ARHGDIB: variants seen among roughly 807,000 people sequenced by gnomAD.
The protein encoded by ARHGDIB is rho GDP-dissociation inhibitor 2.
ARHGDIB carries 20 observed loss-of-function variants against 22.6 expected under a neutral mutation model. The observed-to-expected ratio is 0.88, with a 90% CI of 0.62 to 1.28. The LOEUF is 1.28. Ranked by LOEUF, ARHGDIB falls within the 50% of genes most tolerant of loss-of-function variation. ARHGDIB has a pLI of 0.00. For synonymous variants in ARHGDIB, 114 were observed against 96.1 expected, an observed-to-expected ratio of 1.19 and a Z score of -1.09; for missense variants, 254 against 245.4, an observed-to-expected ratio of 1.04 and a Z score of -0.23.
intron 1 of ARHGDIB, among the ~76,000 whole-genome samples, chr12:14,953,824 TCTCTC>T (rs1864236828): frequency 2.0e-5 from 3 of 149,170 alleles, no homozygotes; most frequent in Non-Finnish European, 4.4e-5. Flanking sequence ...GCTTGCTCTC[TCTCTC>T]TCTCTCTCTC....
chr12:14,944,983 T>A, intron 4 of ARHGDIB, 144 bp from the exon 5 acceptor site: 1 of 604,736 alleles, frequency 1.7e-6, no homozygotes, highest in Non-Finnish European at 2.8e-6. Flanking sequence ...TCTATAATTA[T>A]TTAGCATGGC....
Position 14,944,841 on chromosome 12 carries a change from T to C in ARHGDIB, c.343-2A>G, listed in dbSNP as rs1863973289. 1 of 1,612,948 alleles carries C rather than the reference T, an allele frequency of 6.2e-7. No homozygotes were observed. The highest frequency in any genetic ancestry group is 2.2e-5 in the East Asian group (1 of 44,830). On this transcript the variant is annotated splice_acceptor_variant, in intron 4 of 5. Transcript: ENST00000228945. LOFTEE classifies it high-confidence loss of function. Reference sequence around the variant, plus strand: ...GCCTGACACAATATCCCTGTTCACCTGCAGGTGGGAAGGAACCAAGATGTT... The same window carrying C: ...GCCTGACACAATATCCCTGTTCACCCGCAGGTGGGAAGGAACCAAGATGTT...
intron 1 of ARHGDIB, among the ~76,000 whole-genome samples, chr12:14,952,761 C>T (rs191054754): frequency 2.0e-5 from 3 of 152,304 alleles, no homozygotes; most frequent in Non-Finnish European, 4.4e-5. Flanking sequence ...GACCGAGCAT[C>T]GGAACAACGG....
rs367794422 is a variant in ARHGDIB, at chr12:14,948,099, T to TGC, written c.266-152_266-151dup. On this transcript the variant is annotated intron_variant, in intron 3 of 5. Coordinates refer to ENST00000228945, the MANE Select transcript of ARHGDIB (RefSeq NM_001175.7). ...TCACAGAGTATTTGAGTTTAGTCCT[T>TGC]GCACACACACACACACACACACACA... 7.6e-3 allele frequency: 2,350 copies of TGC among 307,808 alleles called. 120 individuals are homozygous for TGC. The highest frequency in any genetic ancestry group is 1.0e-2 in the Non-Finnish European group (1,622 of 162,766). 19.1% of individuals were successfully genotyped at this position (307,808 alleles called of 1,614,324 possible).
intron 3 of ARHGDIB, 74 bp from the exon 4 acceptor site, chr12:14,948,023 G>T (rs906325905): frequency 2.0e-5 from 26 of 1,303,926 alleles, no homozygotes; most frequent in Non-Finnish European, 2.7e-5. Context: ...TTTAAGTCCC[G>T]GAAAAATTTG....
chr12:14,942,536 C>T lies in ARHGDIB; in HGVS notation c.592G>A (p.Glu198Lys). 6.2e-7 allele frequency: 1 copy of T among 1,614,112 alleles called. No individual in the cohort carries two copies. The highest frequency in any genetic ancestry group is 8.5e-7 in the Non-Finnish European group (1 of 1,180,020). The part of the protein sequence containing the change: ...SWEWNLSIKK[E>K]WTE The stretch of plus-strand genomic sequence containing the variant: ...GGTGGATGCATTCATTCTGTCCACT[C>T]CTTCTTAATCGACAGGTTCCACTCC... The change falls in exon 6 of 6, where the codon GAG (glutamate) becomes AAG (lysine). Residue 198 changes from glutamate (E) to lysine (K), a missense_variant. Physicochemically the swap from Glu to Lys is moderately conservative, Grantham distance 56. Coordinates refer to ENST00000228945, the MANE Select transcript of ARHGDIB (RefSeq NM_001175.7).
chr12:14,955,955 T>G (rs1422469318), intron 1 of ARHGDIB, among the ~76,000 whole-genome samples: 2 of 152,190 alleles, frequency 1.3e-5, no homozygotes, highest in Admixed American at 1.3e-4. Context: ...ATTATCTCAT[T>G]TAGTTCTTAC....
At chr12:14,960,941 C>CT (rs1395370681) in intron 1 of ARHGDIB, among the ~76,000 whole-genome samples, 1 of 152,222 alleles carries the variant, frequency 6.6e-6, no homozygotes, top group Non-Finnish European at 1.5e-5. Context: ...CATACTTCCT[C>CT]TTTGAGGGAT....
rs776957092 is a variant in ARHGDIB, at chr12:14,942,588, G to A, written c.540C>T (p.Asp180=). 43 of 1,614,034 alleles carry A rather than the reference G, an allele frequency of 2.7e-5. No individual in the cohort carries two copies. The East Asian group carries it at 4.5e-4, about 17-fold the overall frequency. The part of the protein sequence containing the change: ...GTYHNKSFFT[D]DDKQDHLSWE... ...AGCTGAGGTGGTCTTGCTTGTCATC[G>A]TCGGTGAAGAAGGACTTGTTGTGGT... Residue 180 remains aspartate (D), a synonymous_variant, in exon 6 of 6, where the codon GAC becomes GAT. Transcript: ENST00000228945.
In ARHGDIB at chr12:14,947,913, AAC is replaced by A; in HGVS notation, c.300_301del (p.Leu101LysfsTer5). The A allele has an allele frequency of 1.9e-6, 3 of 1,613,406 alleles. No homozygotes were observed. Among genetic ancestry groups the A allele is most frequent in the Non-Finnish European group, 2.5e-6 (3 of 1,179,310 alleles). ...GACTCTATATTCAGAACCTTCCTTT[AAC>A]ACAATGGTTTCCTTTTTGAGGGCTT... On this transcript the variant is annotated frameshift_variant, in exon 4 of 6. Transcript: ENST00000228945. LOFTEE classifies it high-confidence loss of function.
intron 1 of ARHGDIB, among the ~76,000 whole-genome samples, chr12:14,955,414 T>C (rs893244547): frequency 3.3e-5 from 5 of 152,240 alleles, no homozygotes; most frequent in South Asian, 4.1e-4. Flanking sequence ...ATATCGGGAA[T>C]ACATAAATAC....
chr12:14,944,356 C>G (rs1469154704), intron 5 of ARHGDIB, among the ~76,000 whole-genome samples: 1 of 151,762 alleles, frequency 6.6e-6, no homozygotes, highest in Non-Finnish European at 1.5e-5. Context: ...GCCACCCCCA[C>G]CTACTCCCAC....
At chr12:14,952,983 A>AAG (rs138684101) in intron 1 of ARHGDIB, among the ~76,000 whole-genome samples, 2,351 of 152,238 alleles carry the variant, frequency 0.015, 51 homozygotes, top group African/African-American at 0.052. Context: ...GAGAAAGAGA[A>AAG]AGAGAGCGAG....
chr12:14,958,303 C>T (rs1356590780), intron 1 of ARHGDIB, among the ~76,000 whole-genome samples: 1 of 152,088 alleles, frequency 6.6e-6, no homozygotes, highest in East Asian at 1.9e-4. Context: ...CACCTCAGCC[C>T]CATGAAGGAC....
Position 14,942,337 on chromosome 12 carries a change from G to A in ARHGDIB, c.*185C>T. 2 of 645,602 alleles carry A rather than the reference G, an allele frequency of 3.1e-6. No individual in the cohort carries two copies. Among genetic ancestry groups the A allele is most frequent in the Non-Finnish European group, 5.3e-6 (2 of 375,892 alleles). The allele number at this position is 645,602 out of a possible 1,614,324, so 40.0% of individuals were successfully genotyped here. ...ATCAGAGGGAGCAGGTTGGGTGAAA[G>A]CCCGGTTTTAAGCCTCTTGTTCTAG... On this transcript the variant is annotated 3_prime_UTR_variant, in exon 6 of 6. Coordinates refer to ENST00000228945, the MANE Select transcript of ARHGDIB (RefSeq NM_001175.7).
chr12:14,957,436 C>T (rs1864325569), intron 1 of ARHGDIB, among the ~76,000 whole-genome samples: 1 of 152,158 alleles, frequency 6.6e-6, no homozygotes, highest in Non-Finnish European at 1.5e-5. Context: ...TGTCCCCACT[C>T]CTTCCTCCTT....
chr12:14,942,374 A>G lies in ARHGDIB; in HGVS notation c.*148T>C. ...GCCTCTTGTTCTAGGGACCACGTTG[A>G]GTGACAGGGTGGGAAAAGATGCATC... On this transcript the variant is annotated 3_prime_UTR_variant, in exon 6 of 6. Coordinates refer to ENST00000228945, the MANE Select transcript of ARHGDIB (RefSeq NM_001175.7). 1 of 860,298 alleles carries G rather than the reference A, an allele frequency of 1.2e-6. No homozygotes were observed. The highest frequency in any genetic ancestry group is 1.7e-5 in the African/African-American group (1 of 60,322). The allele number at this position is 860,298 out of a possible 1,614,324, so 53.3% of individuals were successfully genotyped here.
At chr12:14,961,036 T>A (rs1353427576) in intron 1 of ARHGDIB, 1 of 151,926 alleles carries the variant, frequency 6.6e-6, no homozygotes, top group Non-Finnish European at 1.5e-5. Flanking sequence ...CAGTTTAATA[T>A]TTGACAGCTT....
intron 2 of ARHGDIB, 80 bp downstream of exon 2, chr12:14,950,452 T>C: frequency 7.5e-7 from 1 of 1,330,212 alleles, no homozygotes; most frequent in Non-Finnish European, 1.0e-6. Flanking sequence ...CTCTTCCCTT[T>C]GCTGCTGCTC....
Sources: allele counts gnomAD v4.1 joint callset (sites outside exome capture counted in the v4.1 genomes callset), GRCh38; gene constraint gnomAD v4.1.1; transcripts MANE v1.5; gene names NCBI Gene and HGNC (gene_info 2026-07-23, HGNC 2026-07-21).